Variants in TACC2 observed in about 807,000 individuals in gnomAD.
TACC2 encodes transforming acidic coiled-coil containing protein 2.
TACC2 carries 137 observed loss-of-function variants against 227.3 expected under a neutral mutation model. The ratio of observed to expected loss-of-function variants is 0.60; its 90% confidence interval spans 0.52 to 0.69. The LOEUF (loss-of-function observed/expected upper bound fraction) is 0.69. Ranked by LOEUF, TACC2 falls within the 30% of genes least tolerant of loss-of-function variation. The probability of loss-of-function intolerance (pLI) is 0.00; values close to 1 mark genes in which losing one functional copy is unlikely to be tolerated. For missense variants in TACC2, 3,470 were observed against 3,694.4 expected, an observed-to-expected ratio of 0.94 and a Z score of 1.57; for synonymous variants, 1,523 against 1,487.5, an observed-to-expected ratio of 1.02 and a Z score of -0.55.
intron 5 of TACC2, among the ~76,000 whole-genome samples, chr10:122,101,722 G>A (rs1393731643): frequency 1.5e-5 from 1 of 67,616 alleles, no homozygotes; most frequent in Non-Finnish European, 2.9e-5. Flanking sequence ...ACCATGCCCA[G>A]CTTTTTTTTT....
chr10:122,163,793 G>T, intron 7 of TACC2: 1 of 1,237,830 alleles, frequency 8.1e-7, no homozygotes, highest in Non-Finnish European at 1.0e-6. Flanking sequence ...CGCCACGGAT[G>T]CCCGCAGCTG....
At chr10:122,240,889 C>CT (rs1184969839) in intron 18 of TACC2, among the ~76,000 whole-genome samples, 3 of 152,162 alleles carry the variant, frequency 2.0e-5, no homozygotes, top group Non-Finnish European at 4.4e-5. Context: ...GATCTTAGTG[C>CT]TTTTGTGCAG....
chr10:122,143,198 G>C (rs1299847386), intron 6 of TACC2, among the ~76,000 whole-genome samples: 1 of 152,206 alleles, frequency 6.6e-6, no homozygotes, highest in Non-Finnish European at 1.5e-5. Context: ...TCACCTTGTA[G>C]AGTTTCATTG....
chr10:122,001,749 A>G (rs986381453), intron 1 of TACC2, among the ~76,000 whole-genome samples: 1 of 152,158 alleles, frequency 6.6e-6, no homozygotes. Context: ...TATGTCTCTC[A>G]AGGCACTTTT....
chr10:122,096,305 T>G (rs61506019), intron 5 of TACC2, among the ~76,000 whole-genome samples: 6,606 of 152,290 alleles, frequency 0.043, 452 homozygotes, highest in African/African-American at 0.15. Flanking sequence ...GCTGGCATTG[T>G]AAGAAGCCCT....
chr10:122,195,989 G>A (rs1593193397), intron 8 of TACC2, among the ~76,000 whole-genome samples: 1 of 152,188 alleles, frequency 6.6e-6, no homozygotes, highest in Admixed American at 6.5e-5. Context: ...TGAGAAGTCT[G>A]CAGGGCCAAA....
At chr10:122,029,694 T>C (rs1958685511) in intron 2 of TACC2, among the ~76,000 whole-genome samples, 2 of 152,212 alleles carry the variant, frequency 1.3e-5, no homozygotes, top group African/African-American at 4.8e-5. Context: ...AAAGGAATGT[T>C]CTGTCTTGTG....
Position 122,094,760 on chromosome 10 carries a change from C to G in TACC2, c.5573+6169C>G, listed in dbSNP as rs534815793. ...CCGCTTGTCCCCTGTTCATGCTGCA[C>G]TTGAACCCACAGCATGGAAGAGCCG... is the stretch of plus-strand genomic sequence containing the variant. On this transcript the variant is annotated intron_variant, in intron 5 of 22. Transcript: ENST00000369005. Among the ~76,000 whole-genome samples the G allele has an allele frequency of 3.9e-5, 6 of 152,316 alleles. No individual in the cohort carries two copies. In the South Asian group the frequency reaches 1.2e-3, roughly 32 times the overall value.
At chr10:122,059,551 G>A (rs924494048) in intron 3 of TACC2, among the ~76,000 whole-genome samples, 3 of 100,828 alleles carry the variant, frequency 3.0e-5, no homozygotes, top group African/African-American at 6.1e-5. Context: ...CCCCTCTCCT[G>A]TTCTCTCCTC....
chr10:122,218,431 A>G (rs1589663814), intron 11 of TACC2, among the ~76,000 whole-genome samples: 1 of 149,108 alleles, frequency 6.7e-6, no homozygotes, highest in African/African-American at 2.5e-5. Flanking sequence ...AAAACTCCCA[A>G]CCTTCTTCTG....
chr10:122,120,858 C>A (rs912579942), intron 5 of TACC2, among the ~76,000 whole-genome samples: 1 of 152,096 alleles, frequency 6.6e-6, no homozygotes, highest in East Asian at 1.9e-4. Flanking sequence ...CTCCGCTTCC[C>A]GGGTTCAAGT....
intron 5 of TACC2, among the ~76,000 whole-genome samples, chr10:122,120,429 T>C (rs1332543491): frequency 6.6e-6 from 1 of 152,162 alleles, no homozygotes; most frequent in African/African-American, 2.4e-5. Flanking sequence ...AAGGGTCTTA[T>C]GCCCCCACCC....
chr10:122,172,792 AGAGCCAG>A (rs1196513957), intron 7 of TACC2, among the ~76,000 whole-genome samples: 1 of 151,934 alleles, frequency 6.6e-6, no homozygotes, highest in Admixed American at 6.6e-5. Flanking sequence ...GGGAGGAGGA[AGAGCCAG>A]GAGTGCACAG....
Position 122,248,680 on chromosome 10 carries a change from G to T in TACC2, c.8430G>T (p.Thr2810=). 11 of 1,613,832 alleles carry T rather than the reference G, an allele frequency of 6.8e-6. No homozygotes were observed. The highest frequency in any genetic ancestry group is 8.5e-6 in the Non-Finnish European group (10 of 1,180,038). ...GAGAGAAGTCAGTCTCCCACCAGACGGTGCAGCAGCTGGTTCTGGAGAAGG... is the reference window on the plus strand; with the variant it reads ...GAGAGAAGTCAGTCTCCCACCAGACTGTGCAGCAGCTGGTTCTGGAGAAGG... ...EQREKSVSHQ[T]VQQLVLEKEQ... Residue 2810 remains threonine (T), a synonymous_variant, in exon 20 of 23, where the codon ACG becomes ACT. Transcript: ENST00000369005.
chr10:121,994,079 A>G (rs1953164626), intron 1 of TACC2, among the ~76,000 whole-genome samples: 1 of 152,048 alleles, frequency 6.6e-6, no homozygotes, highest in Admixed American at 6.6e-5. Flanking sequence ...TTCGTTTCCC[A>G]TTGTATGATT....
chr10:122,023,714 A>G (rs1225222060), intron 2 of TACC2: 1 of 152,010 alleles, frequency 6.6e-6, no homozygotes, highest in Non-Finnish European at 1.5e-5. Context: ...TAATGGGTGC[A>G]GCAAACCAAC....
intron 19 of TACC2, 28 bp from the exon 20 acceptor site, chr10:122,248,615 T>A: frequency 6.2e-7 from 1 of 1,611,822 alleles, no homozygotes; most frequent in Middle Eastern, 2.2e-4. Context: ...CTGGGCTCCA[T>A]CATTTGGCTC....
chr10:122,247,479 G>T (rs1294106996), intron 19 of TACC2: 1 of 152,272 alleles, frequency 6.6e-6, no homozygotes, highest in African/African-American at 2.4e-5. Context: ...GCCGGGGATG[G>T]ATCCGCACAG....
At chr10:122,041,021 A>G (rs1383665246) in intron 2 of TACC2, among the ~76,000 whole-genome samples, 1 of 152,186 alleles carries the variant, frequency 6.6e-6, no homozygotes, top group Non-Finnish European at 1.5e-5. Context: ...TTGCTGCTGC[A>G]GGAGACCTCA....
Sources: gnomAD v4.1 joint callset for allele counts (sites outside exome capture counted in the v4.1 genomes callset) on GRCh38, gnomAD v4.1.1 for gene constraint, MANE v1.5 for transcripts, NCBI Gene and HGNC (gene_info 2026-07-23, HGNC 2026-07-21) for gene names.